GPR161: variants seen among roughly 807,000 people sequenced by gnomAD.
The protein encoded by GPR161 is G protein-coupled receptor 161.
Under a neutral mutation model 39.2 loss-of-function variants are expected in GPR161, and 25 were observed. That is an observed-to-expected ratio of 0.64 (90% CI 0.47 to 0.89). The LOEUF (loss-of-function observed/expected upper bound fraction) is 0.89. Ranked by LOEUF, GPR161 falls within the 40% of genes least tolerant of loss-of-function variation. The probability of loss-of-function intolerance (pLI) is 0.00; values close to 1 mark genes in which losing one functional copy is unlikely to be tolerated. For synonymous variants in GPR161, 286 were observed against 276.6 expected (o/e 1.03, Z -0.34); for missense variants, 547 against 677.8 (o/e 0.81, Z 2.14).
chr1:168,133,911 C>T, intron 1 of GPR161: 1 of 967,934 alleles, frequency 1.0e-6, no homozygotes, highest in Non-Finnish European at 1.2e-6. Flanking sequence ...ATTGAGCACA[C>T]TGAAAAAGAC....
At chr1:168,111,905 A>G (rs970125322) in intron 1 of GPR161, among the ~76,000 whole-genome samples, 7 of 152,026 alleles carry the variant, frequency 4.6e-5, no homozygotes, top group Non-Finnish European at 7.4e-5. Context: ...ATACAGAGAA[A>G]TGGAAAAAAC....
chr1:168,131,200 A>C (rs1272094751), intron 1 of GPR161, among the ~76,000 whole-genome samples: 1 of 151,640 alleles, frequency 6.6e-6, no homozygotes, highest in Non-Finnish European at 1.5e-5. Flanking sequence ...TCTTCTTCTT[A>C]TTTTCGATCT....
chr1:168,101,225 C>T (rs891798610), intron 2 of GPR161, among the ~76,000 whole-genome samples: 3 of 151,960 alleles, frequency 2.0e-5, no homozygotes, highest in Middle Eastern at 3.4e-3. Flanking sequence ...GTGTACTGCA[C>T]CCATTAACTC....
At chr1:168,112,479 CAAAAAAAAAAA>C (rs57030886) in intron 1 of GPR161, among the ~76,000 whole-genome samples, 855 of 63,086 alleles carry the variant, frequency 0.014, 8 homozygotes, top group African/African-American at 0.045. Context: ...GACTCCGTCT[CAAAAAAAAAAA>C]AAAAAAAAAA....
rs1478445368 is a variant in GPR161 at position 168,087,681 on chromosome 1, C to T, written c.1228G>A (p.Asp410Asn). 1.9e-6 allele frequency: 3 copies of T among 1,613,430 alleles called. No homozygotes were observed. Among genetic ancestry groups the T allele is most frequent in the African/African-American group, 1.3e-5 (1 of 74,874 alleles). Reference protein sequence around the residue: ...DSGTDMMLLEDYTSDDNPPSH... With the variant: ...DSGTDMMLLENYTSDDNPPSH... ...GGAGGGTTGTCATCAGACGTGTAGT[C>T]CTCAAGCAGCATCATATCTGTCCCT... The change falls in exon 5 of 6, where the codon GAC (aspartate) becomes AAC (asparagine). Residue 410 changes from aspartate (D) to asparagine (N), a missense_variant. Asp to Asn is a conservative substitution (Grantham distance 23, BLOSUM62 1). Transcript: ENST00000682931.
chr1:168,129,261 C>A (rs548008912), intron 1 of GPR161, among the ~76,000 whole-genome samples: 6 of 152,098 alleles, frequency 3.9e-5, no homozygotes, highest in Non-Finnish European at 8.8e-5. Flanking sequence ...AGAGAAGAGC[C>A]CTTGCAAAGC....
intron 1 of GPR161, among the ~76,000 whole-genome samples, chr1:168,127,518 G>A (rs1223015406): frequency 6.6e-6 from 1 of 151,906 alleles, no homozygotes; most frequent in African/African-American, 2.4e-5. Context: ...AAGACAGAGA[G>A]GTTTCATTCA....
At chr1:168,123,493 T>C (rs1698343305) in intron 1 of GPR161, among the ~76,000 whole-genome samples, 1 of 150,528 alleles carries the variant, frequency 6.6e-6, no homozygotes, top group African/African-American at 2.5e-5. Context: ...TATCTATCTA[T>C]CTATATCTAT....
chr1:168,114,114 A>G (rs553812176), intron 1 of GPR161, among the ~76,000 whole-genome samples: 38 of 152,362 alleles, frequency 2.5e-4, no homozygotes, highest in Non-Finnish European at 5.1e-4. Flanking sequence ...CAGAATTACT[A>G]CATCATAAGA....
At chr1:168,109,202 T>C (rs902977756) in intron 1 of GPR161, among the ~76,000 whole-genome samples, 1 of 151,982 alleles carries the variant, frequency 6.6e-6, no homozygotes, top group African/African-American at 2.4e-5. Flanking sequence ...ACTATGGGAG[T>C]CTCCTCTGGC....
intron 1 of GPR161, among the ~76,000 whole-genome samples, chr1:168,130,957 C>A (rs1253369740): frequency 6.6e-6 from 1 of 152,210 alleles, no homozygotes; most frequent in African/African-American, 2.4e-5. Flanking sequence ...TAGGCCCTGA[C>A]TACACTTTCT....
intron 1 of GPR161, among the ~76,000 whole-genome samples, chr1:168,125,440 A>C (rs567808152): frequency 1.3e-5 from 2 of 152,362 alleles, no homozygotes; most frequent in South Asian, 4.1e-4. Flanking sequence ...TTATACCATC[A>C]GAAAGGCCAA....
chr1:168,124,186 G>A (rs1698418917), intron 1 of GPR161, among the ~76,000 whole-genome samples: 1 of 152,114 alleles, frequency 6.6e-6, no homozygotes, highest in African/African-American at 2.4e-5. Context: ...ACCCTAACTT[G>A]TATCCCTTTT....
At position 168,104,872 on chromosome 1, in the gene GPR161, G is replaced by A; in HGVS notation, c.-22C>T. 1 of 1,610,362 alleles carries A rather than the reference G, an allele frequency of 6.2e-7. No homozygotes were observed. Among genetic ancestry groups the A allele is most frequent in the South Asian group, 1.1e-5 (1 of 90,960 alleles). ...TCATGGTCAGTGCACCTCGGCGTGG[G>A]GTGGGCAGAGCATGCTGGACGACTG... is the stretch of plus-strand genomic sequence containing the variant. On this transcript the variant is annotated 5_prime_UTR_variant, in exon 2 of 6. Coordinates refer to ENST00000682931, the MANE Select transcript of GPR161 (RefSeq NM_001375883.1).
At chr1:168,133,536 C>T (rs1699153238) in intron 1 of GPR161, among the ~76,000 whole-genome samples, 1 of 152,188 alleles carries the variant, frequency 6.6e-6, no homozygotes, top group Non-Finnish European at 1.5e-5. Flanking sequence ...GAATGAAGTA[C>T]AATGTATCTG....
rs771404677 is a variant in GPR161 at position 168,083,407 on chromosome 1, C to T, written c.*2124G>A. The T allele has an allele frequency of 1.3e-5, 2 of 152,194 alleles. No homozygotes were observed. The highest frequency in any genetic ancestry group is 2.9e-5 in the Non-Finnish European group (2 of 68,076). 9.4% of individuals were successfully genotyped at this position (152,194 alleles called of 1,614,324 possible). A position where few individuals can be genotyped will look rare whatever the true frequency, so the allele number is the denominator to read the frequency against. On this transcript the variant is annotated 3_prime_UTR_variant, in exon 6 of 6. Transcript: ENST00000682931. ...CTAGTACAGTCAGGGGAACATTCTCCAACCCTTGCGTTTCAAAGCCAAGCT... is the reference window on the plus strand; with the variant it reads ...CTAGTACAGTCAGGGGAACATTCTCTAACCCTTGCGTTTCAAAGCCAAGCT...
At chr1:168,100,210 CAAAAAAAAAAAAAAA>C (rs35900694) in intron 2 of GPR161, among the ~76,000 whole-genome samples, 1 of 54,822 alleles carries the variant, frequency 1.8e-5, no homozygotes, top group African/African-American at 6.4e-5. Flanking sequence ...GACCCTGTCT[CAAAAAAAAAAAAAAA>C]AAAAAAAAGG....
At chr1:168,137,128 G>T (rs1699453412), upstream of GPR161, 3 of 1,015,208 alleles carry the variant, frequency 3.0e-6, no homozygotes, top group Non-Finnish European at 3.5e-6. Context: ...TTCTTCCCAC[G>T]AACAGCCTCG....
Position 168,096,726 on chromosome 1 carries a change from G to T in GPR161, c.881C>A (p.Ala294Asp). The change falls in exon 3 of 6, where the codon GCC becomes GAC. Residue 294 changes from alanine to aspartate, a missense_variant. Physicochemically the swap from Ala to Asp is moderately radical, Grantham distance 126. Transcript: ENST00000682931. ...GGAGACGGAGCTTTTCCCCCAGAGGGCCTCAGAGGCGATGACAACCATGTA... is the reference window on the plus strand; with the variant it reads ...GGAGACGGAGCTTTTCCCCCAGAGGTCCTCAGAGGCGATGACAACCATGTA... ...GPYMVVIASE[A>D]LWGKSSVSPS... 2 of 1,614,064 alleles carry T rather than the reference G, an allele frequency of 1.2e-6. No homozygotes were observed. Among genetic ancestry groups the T allele is most frequent in the South Asian group, 2.2e-5 (2 of 91,066 alleles).
Sources: gnomAD v4.1 joint callset for allele counts (sites outside exome capture counted in the v4.1 genomes callset) on GRCh38, gnomAD v4.1.1 for gene constraint, MANE v1.5 for transcripts, NCBI Gene and HGNC (gene_info 2026-07-23, HGNC 2026-07-21) for gene names.